MBTPS2: variants seen among roughly 807,000 people sequenced by gnomAD.
MBTPS2 encodes membrane-bound transcription factor site-2 protease.
Under a neutral mutation model 35.4 loss-of-function variants are expected in MBTPS2, and 2 were observed. The ratio of observed to expected loss-of-function variants is 0.06; its 90% CI spans 0.02 to 0.18. The LOEUF is 0.18. Ranked by LOEUF, MBTPS2 falls within the 10% of genes least tolerant of loss-of-function variation. The pLI, the probability that MBTPS2 is intolerant of heterozygous loss-of-function variation, is 1.00. For synonymous variants in MBTPS2, 125 were observed against 140.4 expected, an observed-to-expected ratio of 0.89 and a Z score of 0.77; for missense variants, 244 against 386.5, an observed-to-expected ratio of 0.63 and a Z score of 3.09.
At chrX:21,850,195 GC>G (rs1420793148) in intron 3 of MBTPS2, among the ~76,000 whole-genome samples, 1 of 111,247 alleles carries the variant, frequency 9.0e-6, no homozygotes, top group Admixed American at 9.6e-5. Flanking sequence ...TTAATTAAAT[GC>G]CCAACAGTTT....
At chrX:21,868,607 G>A (rs2092943445) in intron 6 of MBTPS2, 22 bp downstream of exon 6, 3 of 1,037,135 alleles carry the variant, frequency 2.9e-6, no homozygotes, top group Non-Finnish European at 4.1e-6. Context: ...ATTACTCAGG[G>A]CATTCTTTCA....
intron 9 of MBTPS2, 110 bp downstream of exon 9, chrX:21,878,802 C>A: frequency 1.7e-6 from 1 of 571,875 alleles, no homozygotes; most frequent in Non-Finnish European, 3.0e-6. Flanking sequence ...TAAATTTGAT[C>A]ATTTATCAAA....
chrX:21,856,942 C>T lies in MBTPS2; in HGVS notation c.670+3439C>T, dbSNP rs138260436. 2.9e-4 allele frequency: 352 copies of T among 1,210,518 alleles called. No homozygotes were observed. The African/African-American group carries it at 5.4e-3, about 19-fold the overall frequency. On this transcript the variant is annotated intron_variant, in intron 5 of 10. Coordinates refer to ENST00000379484, the MANE Select transcript of MBTPS2 (RefSeq NM_015884.4). ...CCCAGCGGCAAGAGTGCCACCAGCACTGAGGCCAACCCGGCAGGCAGCAGC... is the reference window on the plus strand; with the variant it reads ...CCCAGCGGCAAGAGTGCCACCAGCATTGAGGCCAACCCGGCAGGCAGCAGC...
intron 9 of MBTPS2, 34 bp downstream of exon 9, chrX:21,878,726 A>G (rs972129422): frequency 1.0e-5 from 10 of 973,411 alleles, no homozygotes; most frequent in Non-Finnish European, 1.5e-5. Flanking sequence ...TTAGAAAATC[A>G]TTAAGATCAC....
chrX:21,852,211 CAT>C (rs1481610068), intron 4 of MBTPS2, among the ~76,000 whole-genome samples: 1 of 111,704 alleles, frequency 9.0e-6, no homozygotes, highest in Non-Finnish European at 1.9e-5. Context: ...GCCTATAACA[CAT>C]ATAAAATCAT....
Position 21,878,461 on chromosome X carries a change from A to T in MBTPS2, c.1066-36A>T, listed in dbSNP as rs189948837. ...AATGTAACTTAGGTTTTTCTTAATC[A>T]TTTTTAATATTGACTGATTAATATT... is the stretch of plus-strand genomic sequence containing the variant. On this transcript the variant is annotated intron_variant, in intron 8 of 10. Transcript: ENST00000379484. The T allele has an allele frequency of 2.2e-4, 234 of 1,044,832 alleles. 1 individual carries two copies. The African/African-American group carries it at 3.8e-3, about 17-fold the overall frequency. 86.1% of individuals were successfully genotyped at this position (1,044,832 alleles called of 1,213,427 possible).
intron 5 of MBTPS2, chrX:21,858,770 T>A (rs1250933888): frequency 9.0e-6 from 1 of 111,088 alleles, no homozygotes; most frequent in African/African-American, 3.5e-5. Context: ...ACACCTGTGG[T>A]CCTAGCTACT....
Position 21,884,896 on chromosome X carries a change from G to A in MBTPS2, c.*2241G>A. ...TAAAAAAATAACTTGGAGGGTCTTT[G>A]TGTCCCTGGCATATTATCATCTTCA... On this transcript the variant is annotated 3_prime_UTR_variant, in exon 11 of 11. Coordinates refer to ENST00000379484, the MANE Select transcript of MBTPS2 (RefSeq NM_015884.4). 1.3e-6 allele frequency: 1 copy of A among 750,226 alleles called. No homozygotes were observed. The highest frequency in any genetic ancestry group is 1.6e-6 in the Non-Finnish European group (1 of 635,572). The allele number at this position is 750,226 out of a possible 1,213,427, so 61.8% of individuals were successfully genotyped here.
intron 4 of MBTPS2, among the ~76,000 whole-genome samples, chrX:21,851,980 T>C (rs948604686): frequency 2.7e-5 from 3 of 112,078 alleles, no homozygotes; most frequent in Non-Finnish European, 3.8e-5. Context: ...ACCTTAGAAC[T>C]TGATTTGACT....
Position 21,856,866 on chromosome X carries a change from GCATCAA to G in MBTPS2, c.670+3377_670+3382del, listed in dbSNP as rs768424915. 1.3e-5 allele frequency: 16 copies of G among 1,209,620 alleles called. 1 individual carries two copies. The highest frequency in any genetic ancestry group is 7.0e-5 in the African/African-American group (4 of 57,084). ...CCTGGCCTCTCTGTCGGCCTCGGCG[GCATCAA>G]CATCAACATCAACCCAGAGCCGCAG... On this transcript the variant is annotated intron_variant, in intron 5 of 10. Transcript: ENST00000379484.
chrX:21,849,738 C>G, intron 3 of MBTPS2, among the ~76,000 whole-genome samples: 1 of 108,053 alleles, frequency 9.3e-6, no homozygotes, highest in Non-Finnish European at 1.9e-5. Context: ...GAGATAGAGA[C>G]AGGACCGGCC....
chrX:21,839,877 C>T, intron 1 of MBTPS2, 68 bp downstream of exon 1: 1 of 1,029,030 alleles, frequency 9.7e-7, no homozygotes, highest in Non-Finnish European at 1.3e-6. Flanking sequence ...CTTCTTTTCT[C>T]TTCCCCTGCC....
At chrX:21,846,665 C>T (rs1196135436) in intron 3 of MBTPS2, among the ~76,000 whole-genome samples, 2 of 112,403 alleles carry the variant, frequency 1.8e-5, no homozygotes, top group Admixed American at 1.9e-4. Flanking sequence ...CCACTGCGCT[C>T]GGCCTATGCT....
Position 21,878,494 on chromosome X carries a change from T to C in MBTPS2, c.1066-3T>C. Reference sequence around the variant, plus strand: ...TATTGACTGATTAATATTTTATTTATAGCATACATGTCTTCCTGCCCGGAA... The same window carrying C: ...TATTGACTGATTAATATTTTATTTACAGCATACATGTCTTCCTGCCCGGAA... On this transcript the variant is annotated splice_region_variant and splice_polypyrimidine_tract_variant and intron_variant, in intron 8 of 10. Coordinates refer to ENST00000379484, the MANE Select transcript of MBTPS2 (RefSeq NM_015884.4). The C allele has an allele frequency of 8.5e-7, 1 of 1,180,646 alleles. No homozygotes were observed. The highest frequency in any genetic ancestry group is 1.2e-6 in the Non-Finnish European group (1 of 867,393).
intron 9 of MBTPS2, among the ~76,000 whole-genome samples, chrX:21,880,618 C>A (rs2092958358): frequency 9.0e-6 from 1 of 111,151 alleles, no homozygotes; most frequent in Non-Finnish European, 1.9e-5. Context: ...AAGGTTATAC[C>A]TCTTTGAAAG....
chrX:21,884,448 G>GA lies in MBTPS2; in HGVS notation c.*1799dup. On this transcript the variant is annotated 3_prime_UTR_variant, in exon 11 of 11. Transcript: ENST00000379484. ...TGCAAGTCACTTTTTTAAAAACCAA[G>GA]AAAAAACTTTAATAGAGGAAATCTT... 1.4e-6 allele frequency: 1 copy of GA among 737,484 alleles called. No individual in the cohort carries two copies. Among genetic ancestry groups the GA allele is most frequent in the Non-Finnish European group, 1.6e-6 (1 of 624,073 alleles). The allele number at this position is 737,484 out of a possible 1,213,427, so 60.8% of individuals were successfully genotyped here. A position where few individuals can be genotyped will look rare whatever the true frequency, so the allele number is the denominator to read the frequency against.
At chrX:21,860,619 G>C (rs777528327) in intron 5 of MBTPS2, among the ~76,000 whole-genome samples, 142 of 111,635 alleles carry the variant, frequency 1.3e-3, no homozygotes, top group African/African-American at 4.0e-3. Flanking sequence ...AATCAGAGGG[G>C]TGATCTGGTA....
intron 5 of MBTPS2, among the ~76,000 whole-genome samples, chrX:21,866,885 C>T (rs1015546642): frequency 3.3e-4 from 36 of 109,166 alleles, no homozygotes; most frequent in Admixed American, 2.0e-3. Context: ...AAAAATTAGC[C>T]GGGCGTGGTG....
intron 2 of MBTPS2, 60 bp downstream of exon 2, chrX:21,843,378 C>A: frequency 9.3e-7 from 1 of 1,069,526 alleles, no homozygotes; most frequent in Non-Finnish European, 1.3e-6. Flanking sequence ...CGACAGACAG[C>A]TTGTTAAATT....
Sources: allele counts gnomAD v4.1 joint callset (sites outside exome capture counted in the v4.1 genomes callset), GRCh38; gene constraint gnomAD v4.1.1; transcripts MANE v1.5; gene names NCBI Gene and HGNC (gene_info 2026-07-23, HGNC 2026-07-21).